XKR4: variants seen among roughly 807,000 people sequenced by gnomAD.
XKR4 encodes XK-related protein 4.
XKR4 carries 12 observed loss-of-function variants against 53.9 expected under a neutral mutation model. The ratio of observed to expected loss-of-function variants is 0.22; its 90% CI spans 0.14 to 0.36. The LOEUF (loss-of-function observed/expected upper bound fraction) is 0.36. Ranked by LOEUF, XKR4 falls within the 10% of genes least tolerant of loss-of-function variation. XKR4 has a pLI of 1.00. For synonymous variants in XKR4, 354 were observed against 362.4 expected, an observed-to-expected ratio of 0.98 and a Z score of 0.26; for missense variants, 799 against 859.5, an observed-to-expected ratio of 0.93 and a Z score of 0.88.
At chr8:55,521,625 T>C (rs1806799247) in intron 2 of XKR4, among the ~76,000 whole-genome samples, 1 of 152,228 alleles carries the variant, frequency 6.6e-6, no homozygotes, top group African/African-American at 2.4e-5. Flanking sequence ...TCTGCTGGCT[T>C]TATTGGGAGG....
intron 1 of XKR4, among the ~76,000 whole-genome samples, chr8:55,191,315 G>A (rs1817441861): frequency 6.6e-6 from 1 of 152,168 alleles, no homozygotes; most frequent in South Asian, 2.1e-4. Flanking sequence ...AGGGATTGCA[G>A]AGTGGCCAGC....
intron 1 of XKR4, among the ~76,000 whole-genome samples, chr8:55,240,749 T>C (rs1341702620): frequency 6.6e-6 from 1 of 152,186 alleles, no homozygotes; most frequent in Non-Finnish European, 1.5e-5. Flanking sequence ...AAGTAAATTA[T>C]CATTTCACAA....
intron 1 of XKR4, among the ~76,000 whole-genome samples, chr8:55,178,902 A>G (rs893206784): frequency 6.6e-6 from 1 of 151,880 alleles, no homozygotes; most frequent in Non-Finnish European, 1.5e-5. Flanking sequence ...AATCCAAGAC[A>G]CTCCTCTCAG....
chr8:55,256,377 T>C (rs1818438971), intron 1 of XKR4, among the ~76,000 whole-genome samples: 1 of 152,154 alleles, frequency 6.6e-6, no homozygotes, highest in African/African-American at 2.4e-5. Flanking sequence ...GGAGAATGGA[T>C]TTGAGAAAGA....
chr8:55,280,552 G>T (rs1017623644), intron 1 of XKR4, among the ~76,000 whole-genome samples: 2 of 152,126 alleles, frequency 1.3e-5, no homozygotes, highest in Non-Finnish European at 2.9e-5. Context: ...TAAATAAGAA[G>T]CACAGCTTAA....
intron 1 of XKR4, among the ~76,000 whole-genome samples, chr8:55,178,990 A>G (rs1563476297): frequency 1.3e-5 from 2 of 152,174 alleles, no homozygotes; most frequent in African/African-American, 4.8e-5. Flanking sequence ...TTATCTGAGG[A>G]CTAGGGAAAT....
chr8:55,336,041 C>CAAAAAAAAAA (rs34885296), intron 1 of XKR4, among the ~76,000 whole-genome samples: 1 of 113,704 alleles, frequency 8.8e-6, no homozygotes. Flanking sequence ...AACTCTATAC[C>CAAAAAAAAAA]AAAAAAAAAA....
chr8:55,408,110 C>A (rs1804714155), intron 2 of XKR4, among the ~76,000 whole-genome samples: 1 of 152,142 alleles, frequency 6.6e-6, no homozygotes, highest in African/African-American at 2.4e-5. Flanking sequence ...CTGCAGTAAG[C>A]CCCTATCACA....
At chr8:55,299,173 T>C (rs1203482387) in intron 1 of XKR4, among the ~76,000 whole-genome samples, 2 of 152,166 alleles carry the variant, frequency 1.3e-5, no homozygotes, top group Non-Finnish European at 2.9e-5. Context: ...CACCAGCCAG[T>C]CGTTTTATAG....
intron 1 of XKR4, among the ~76,000 whole-genome samples, chr8:55,144,805 CTATTTTATTT>C (rs57869559): frequency 1.2e-4 from 16 of 139,006 alleles, no homozygotes; most frequent in East Asian, 8.7e-4. Context: ...AGTATTACCA[CTATTTTATTT>C]TATTTTATTT....
chr8:55,450,304 GC>G, intron 2 of XKR4: 1 of 714,828 alleles, frequency 1.4e-6, no homozygotes, highest in Non-Finnish European at 2.4e-6. Context: ...AGGGCCCTCG[GC>G]CAGCATCTCC....
intron 1 of XKR4, among the ~76,000 whole-genome samples, chr8:55,318,478 T>C (rs1803148785): frequency 6.6e-6 from 1 of 152,208 alleles, no homozygotes; most frequent in Non-Finnish European, 1.5e-5. Context: ...TCTGTTCTCA[T>C]TAGCAGTTTG....
At chr8:55,156,066 A>C (rs1381031377) in intron 1 of XKR4, among the ~76,000 whole-genome samples, 1 of 152,092 alleles carries the variant, frequency 6.6e-6, no homozygotes, top group African/African-American at 2.4e-5. Flanking sequence ...AAGACATATG[A>C]GATACAAGAA....
At chr8:55,155,553 GAAAAA>G (rs547963847) in intron 1 of XKR4, among the ~76,000 whole-genome samples, 1 of 129,392 alleles carries the variant, frequency 7.7e-6, no homozygotes, top group Non-Finnish European at 1.6e-5. Context: ...GTAGAAGTGT[GAAAAA>G]AAAAAAAAGA....
At chr8:55,147,913 T>C (rs919668101) in intron 1 of XKR4, among the ~76,000 whole-genome samples, 20 of 152,258 alleles carry the variant, frequency 1.3e-4, no homozygotes, top group African/African-American at 4.3e-4. Context: ...GTCTGTTCTT[T>C]ATGGATCCAT....
chr8:55,365,174 TGTGGAGCATGAGG>T (rs1803959376), intron 2 of XKR4, among the ~76,000 whole-genome samples: 1 of 152,200 alleles, frequency 6.6e-6, no homozygotes, highest in Non-Finnish European at 1.5e-5. Flanking sequence ...TGCCCTGGGA[TGTGGAGCATGAGG>T]CTGCAGCCGG....
intron 2 of XKR4, among the ~76,000 whole-genome samples, chr8:55,491,318 T>C (rs2129402211): frequency 6.6e-6 from 1 of 152,292 alleles, no homozygotes; most frequent in Admixed American, 6.5e-5. Context: ...TATCGGCTGA[T>C]TTTTCTCTGG....
chr8:55,360,667 A>G (rs185797520), intron 2 of XKR4, among the ~76,000 whole-genome samples: 88 of 152,334 alleles, frequency 5.8e-4, no homozygotes, highest in African/African-American at 2.0e-3. Context: ...GTCTAAAATT[A>G]CTATTTTTTA....
chr8:55,112,747 G>A lies in XKR4; in HGVS notation c.806+9453G>A, dbSNP rs184841215. On this transcript the variant is annotated intron_variant, in intron 1 of 2. Transcript: ENST00000327381. ...TGATCCTTTAGTGAGGCAAGGAAAGGATTTGTAAAGGCTTTTTTTGTTTTG... is the reference window on the plus strand; with the variant it reads ...TGATCCTTTAGTGAGGCAAGGAAAGAATTTGTAAAGGCTTTTTTTGTTTTG... 3.4e-4 allele frequency among the ~76,000 whole-genome samples: 51 copies of A among 151,856 alleles called. 1 individual carries two copies. The highest frequency in any genetic ancestry group is 2.9e-4 in the Non-Finnish European group (20 of 67,924).
Sources: gnomAD v4.1 joint callset for allele counts (sites outside exome capture counted in the v4.1 genomes callset) on GRCh38, gnomAD v4.1.1 for gene constraint, MANE v1.5 for transcripts, NCBI Gene and HGNC (gene_info 2026-07-23, HGNC 2026-07-21) for gene names.